The following PCSK5 variants were observed in gnomAD, a reference collection of about 807,000 sequenced individuals.
The protein encoded by PCSK5 is proprotein convertase subtilisin/kexin type 5, also known as prohormone convertase 5.
PCSK5 carries 129 observed loss-of-function variants against 233.2 expected under a neutral mutation model. The ratio of observed to expected loss-of-function variants is 0.55; its 90% CI spans 0.48 to 0.64. PCSK5 has a LOEUF of 0.64. Ranked by LOEUF, PCSK5 falls within the 30% of genes least tolerant of loss-of-function variation. PCSK5 has a pLI of 0.00. For synonymous variants in PCSK5, 825 were observed against 879.2 expected, an observed-to-expected ratio of 0.94 and a Z score of 1.09; for missense variants, 2,076 against 2,430.1, an observed-to-expected ratio of 0.85 and a Z score of 3.06.
chr9:76,171,962 T>C (rs1248394260), intron 13 of PCSK5, among the ~76,000 whole-genome samples: 1 of 152,120 alleles, frequency 6.6e-6, no homozygotes, highest in Non-Finnish European at 1.5e-5. Context: ...TGTGCATGTG[T>C]CTATATCATT....
intron 1 of PCSK5, among the ~76,000 whole-genome samples, chr9:75,893,280 G>A (rs1419982009): frequency 6.6e-6 from 1 of 152,136 alleles, no homozygotes; most frequent in African/African-American, 2.4e-5. Context: ...TGAGGAAACC[G>A]AGACCAGCTA....
chr9:76,055,882 A>G (rs1424497853), intron 5 of PCSK5, among the ~76,000 whole-genome samples: 1 of 152,210 alleles, frequency 6.6e-6, no homozygotes, highest in Non-Finnish European at 1.5e-5. Flanking sequence ...TTTGAGCATT[A>G]CAGAGTGTGA....
chr9:76,209,769 A>C (rs1825263212), intron 20 of PCSK5, among the ~76,000 whole-genome samples: 1 of 151,196 alleles, frequency 6.6e-6, no homozygotes, highest in Non-Finnish European at 1.5e-5. Flanking sequence ...ATTATAAATA[A>C]ATAAAATTAT....
At chr9:76,113,203 T>G (rs1465786770) in intron 9 of PCSK5, among the ~76,000 whole-genome samples, 1 of 152,138 alleles carries the variant, frequency 6.6e-6, no homozygotes, top group Non-Finnish European at 1.5e-5. Flanking sequence ...TTATTCCCTC[T>G]CTCACCTTCC....
At chr9:76,117,546 C>A (rs530226782) in intron 9 of PCSK5, among the ~76,000 whole-genome samples, 5 of 152,112 alleles carry the variant, frequency 3.3e-5, no homozygotes, top group Non-Finnish European at 7.4e-5. Context: ...TGCTTTCTGG[C>A]AACGTTAAGC....
chr9:76,045,632 AGTCCAACAAT>A (rs1333344184), intron 5 of PCSK5, among the ~76,000 whole-genome samples: 1 of 152,262 alleles, frequency 6.6e-6, no homozygotes, highest in African/African-American at 2.4e-5. Context: ...GATGAAACAA[AGTCCAACAAT>A]GTCTCTTGAC....
At chr9:75,964,544 A>G (rs949119932) in intron 2 of PCSK5, among the ~76,000 whole-genome samples, 4 of 152,210 alleles carry the variant, frequency 2.6e-5, no homozygotes, top group Non-Finnish European at 4.4e-5. Context: ...TGGGGCAGCT[A>G]GCACCACCCC....
At chr9:76,060,825 G>A (rs1273828329) in intron 5 of PCSK5, among the ~76,000 whole-genome samples, 2 of 152,070 alleles carry the variant, frequency 1.3e-5, no homozygotes, top group Non-Finnish European at 2.9e-5. Context: ...AACCAAGCTG[G>A]TATAGGGAAA....
chr9:75,957,688 T>C (rs531455663), intron 2 of PCSK5, among the ~76,000 whole-genome samples: 1 of 152,218 alleles, frequency 6.6e-6, no homozygotes, highest in Non-Finnish European at 1.5e-5. Flanking sequence ...CTAACCTGCA[T>C]GTCTAGCCAT....
intron 2 of PCSK5, among the ~76,000 whole-genome samples, chr9:75,979,008 G>A (rs1027810290): frequency 6.6e-6 from 1 of 151,984 alleles, no homozygotes; most frequent in East Asian, 1.9e-4. Context: ...AAGTAGCTGG[G>A]ATTGCCCAGC....
chr9:76,004,503 A>T (rs1383399810), intron 3 of PCSK5, among the ~76,000 whole-genome samples: 1 of 152,198 alleles, frequency 6.6e-6, no homozygotes, highest in Non-Finnish European at 1.5e-5. Context: ...GCACGTGCAT[A>T]TCCTATTCCC....
At chr9:76,072,505 ATTAAATT>A (rs1830516366) in intron 7 of PCSK5, among the ~76,000 whole-genome samples, 1 of 152,258 alleles carries the variant, frequency 6.6e-6, no homozygotes, top group African/African-American at 2.4e-5. Flanking sequence ...TCTCATTTAA[ATTAAATT>A]TTAAAAGTGA....
Position 76,332,521 on chromosome 9 carries a change from A to T in PCSK5, c.4659A>T (p.Thr1553=). The change falls in exon 34 of 38, where the codon ACA becomes ACT. Residue 1553 remains threonine (T), a synonymous_variant. Transcript: ENST00000674117. ...CCCACTGCCACAGCTCTTGCAGGACATGTGAAGGGAGACACAGCAGGCAGT... is the reference window on the plus strand; with the variant it reads ...CCCACTGCCACAGCTCTTGCAGGACTTGTGAAGGGAGACACAGCAGGCAGT... ...RCAHCHSSCR[T]CEGRHSRQCH... 6.2e-7 allele frequency: 1 copy of T among 1,612,706 alleles called. No homozygotes were observed. The highest frequency in any genetic ancestry group is 8.5e-7 in the Non-Finnish European group (1 of 1,179,730).
intron 7 of PCSK5, among the ~76,000 whole-genome samples, chr9:76,088,331 T>A (rs955690964): frequency 6.6e-6 from 1 of 152,202 alleles, no homozygotes; most frequent in Non-Finnish European, 1.5e-5. Context: ...ATCCTGGAAT[T>A]TTTGCTTGGA....
intron 20 of PCSK5, among the ~76,000 whole-genome samples, chr9:76,196,310 A>G (rs930796087): frequency 3.3e-5 from 5 of 152,256 alleles, no homozygotes; most frequent in African/African-American, 9.6e-5. Context: ...GCAGTGTAAA[A>G]GCTGTTAAAG....
chr9:76,034,428 A>G (rs1002284993), intron 5 of PCSK5, among the ~76,000 whole-genome samples: 1 of 152,156 alleles, frequency 6.6e-6, no homozygotes, highest in Non-Finnish European at 1.5e-5. Flanking sequence ...CTATCTTGAC[A>G]TATGTTAAAA....
At chr9:76,139,438 C>T (rs1823112446) in intron 10 of PCSK5, among the ~76,000 whole-genome samples, 1 of 151,978 alleles carries the variant, frequency 6.6e-6, no homozygotes, top group Non-Finnish European at 1.5e-5. Context: ...GTAATGTGTA[C>T]ATTGTGGTTT....
chr9:76,345,551 T>C (rs1829956216), intron 35 of PCSK5, among the ~76,000 whole-genome samples: 1 of 152,148 alleles, frequency 6.6e-6, no homozygotes, highest in Non-Finnish European at 1.5e-5. Context: ...CCTGAGTAGC[T>C]GGGACTACAG....
intron 24 of PCSK5, among the ~76,000 whole-genome samples, chr9:76,288,761 T>C (rs2842487): frequency 0.2 from 30,859 of 152,152 alleles, 3,322 homozygotes; most frequent in Middle Eastern, 0.28. Context: ...ACCCTCCACT[T>C]GTATGTATCC....
Sources: gnomAD v4.1 joint callset for allele counts (sites outside exome capture counted in the v4.1 genomes callset) on GRCh38, gnomAD v4.1.1 for gene constraint, MANE v1.5 for transcripts, NCBI Gene and HGNC (gene_info 2026-07-23, HGNC 2026-07-21) for gene names.